The following NUP155 variants were observed in gnomAD, a reference collection of about 807,000 sequenced individuals.
NUP155 encodes the protein nucleoporin 155, also known as nuclear pore complex protein Nup155.
Under a neutral mutation model 180.4 loss-of-function variants are expected in NUP155, and 71 were observed. The ratio of observed to expected loss-of-function variants is 0.39; its 90% CI spans 0.33 to 0.48. The LOEUF is 0.48. NUP155 is among the 20% of genes least tolerant of loss of function. The pLI is 0.91. For synonymous variants in NUP155, 582 were observed against 559.5 expected (o/e 1.04, Z -0.57); for missense variants, 1,553 against 1,648.9 (o/e 0.94, Z 1.01).
chr5:37,294,020 A>T lies in NUP155; in HGVS notation c.3930+309T>A, dbSNP rs954496782. Among the ~76,000 whole-genome samples the T allele has an allele frequency of 1.1e-4, 8 of 76,004 alleles. 1 individual carries two copies. Among genetic ancestry groups the T allele is most frequent in the South Asian group, 3.4e-4 (1 of 2,944 alleles). The allele number at this position is 76,004 out of a possible 152,430, so 49.9% of individuals were successfully genotyped here. On this transcript the variant is annotated intron_variant, in intron 33 of 34. Coordinates refer to ENST00000231498, the MANE Select transcript of NUP155 (RefSeq NM_153485.3). ...GACGCCGTCTCAAAAAAAAAAAAAAAAAAAAAAATAAAGCAAATGATGATT... is the reference window on the plus strand; with the variant it reads ...GACGCCGTCTCAAAAAAAAAAAAAATAAAAAAAATAAAGCAAATGATGATT...
chr5:37,307,737 C>T (rs1440280068), intron 24 of NUP155, among the ~76,000 whole-genome samples: 1 of 151,878 alleles, frequency 6.6e-6, no homozygotes, highest in Non-Finnish European at 1.5e-5. Context: ...GCCTGACCAA[C>T]ATGGTGAAAC....
At position 37,327,776 on chromosome 5, in the gene NUP155, C is replaced by T. The variant is rs577723519; in HGVS notation, c.1877G>A (p.Gly626Asp). The change falls in exon 18 of 35, where the codon GGT (glycine) becomes GAT (aspartate). Residue 626 changes from glycine to aspartate, a missense_variant and splice_region_variant. By Grantham distance (94) the Gly-to-Asp change is moderately conservative. Transcript: ENST00000231498. The part of the protein sequence containing the change: ...NPSFLGTPSH[G>D]IQPPAMSTPV... ...AGTTGACATGGCAGGAGGCTGTATA[C>T]CTTGTACACACATAAGAAAAACAAA... The T allele has an allele frequency of 1.1e-5, 18 of 1,613,958 alleles. No homozygotes were observed. Among genetic ancestry groups the T allele is most frequent in the South Asian group, 3.3e-5 (3 of 91,070 alleles).
At chr5:37,338,064 T>G (rs531949475) in intron 11 of NUP155, 146 bp from the exon 12 acceptor site, 1 of 581,210 alleles carries the variant, frequency 1.7e-6, no homozygotes, top group Non-Finnish European at 3.1e-6. Context: ...CTCATGCCTG[T>G]AATCCCAGCA....
At chr5:37,352,972 ATAT>A (rs1746565699) in intron 4 of NUP155, 143 bp from the exon 5 acceptor site, 5 of 616,802 alleles carry the variant, frequency 8.1e-6, no homozygotes, top group African/African-American at 5.6e-5. Context: ...GTTGTTAAAA[ATAT>A]TATTATGTAT....
chr5:37,297,564 G>C (rs533963717), intron 32 of NUP155, among the ~76,000 whole-genome samples: 12 of 150,310 alleles, frequency 8.0e-5, no homozygotes, highest in Non-Finnish European at 1.8e-4. Flanking sequence ...TTTTTTTGTA[G>C]AGACAGGGTT....
rs142143537 is a variant in NUP155, at chr5:37,289,722, T to C, written c.*2178A>G. The C allele has an allele frequency of 1.4e-4, 21 of 152,334 alleles. No individual in the cohort carries two copies. Among genetic ancestry groups the C allele is most frequent in the African/African-American group, 4.6e-4 (19 of 41,564 alleles). 9.4% of individuals were successfully genotyped at this position (152,334 alleles called of 1,614,324 possible). A position where few individuals can be genotyped will look rare whatever the true frequency, so the allele number is the denominator to read the frequency against. ...TGTACTTTCAATGTTGTGAGCTGAG[T>C]ATATATAACAACATATTGCTAGTAT... On this transcript the variant is annotated 3_prime_UTR_variant, in exon 35 of 35. Transcript: ENST00000231498.
At chr5:37,366,976 C>T (rs1028605642) in intron 1 of NUP155, among the ~76,000 whole-genome samples, 49 of 151,524 alleles carry the variant, frequency 3.2e-4, no homozygotes, top group African/African-American at 1.2e-3. Flanking sequence ...CCTCGTAATC[C>T]GCCTGCCTTG....
chr5:37,302,693 A>G (rs1742928009), intron 29 of NUP155, 86 bp downstream of exon 29: 7 of 1,363,514 alleles, frequency 5.1e-6, no homozygotes, highest in Non-Finnish European at 7.3e-6. Flanking sequence ...TCTCAGACCT[A>G]TTACTTACCA....
chr5:37,353,321 G>A (rs931042341), intron 4 of NUP155, among the ~76,000 whole-genome samples: 8 of 152,030 alleles, frequency 5.3e-5, no homozygotes, highest in Non-Finnish European at 1.0e-4. Flanking sequence ...AAAGTTGGCC[G>A]GGCACGCCTG....
chr5:37,336,407 G>C (rs1745330860), intron 12 of NUP155, among the ~76,000 whole-genome samples: 1 of 151,952 alleles, frequency 6.6e-6, no homozygotes, highest in African/African-American at 2.4e-5. Context: ...CTTGGGCCTG[G>C]GCAACAGGGT....
In NUP155 at chr5:37,302,238, A is replaced by C. The variant is rs554190924; in HGVS notation, c.3447+541T>G. 3.3e-5 allele frequency among the ~76,000 whole-genome samples: 5 copies of C among 152,128 alleles called. No individual in the cohort carries two copies. In the South Asian group the frequency reaches 1.0e-3, roughly 32 times the overall value. On this transcript the variant is annotated intron_variant, in intron 29 of 34. Coordinates refer to ENST00000231498, the MANE Select transcript of NUP155 (RefSeq NM_153485.3). The stretch of plus-strand genomic sequence containing the variant: ...TTGGGAAAAACATTTATTTTTTATT[A>C]TTATTATTTTTTGAGACAGAGTCTC...
At chr5:37,357,956 G>A (rs565658536) in intron 4 of NUP155, 125 bp downstream of exon 4, 6 of 696,316 alleles carry the variant, frequency 8.6e-6, no homozygotes, top group South Asian at 4.3e-5. Flanking sequence ...TTGCGCCACT[G>A]CACTCCAGCC....
chr5:37,296,108 T>G (rs1742549356), intron 32 of NUP155, among the ~76,000 whole-genome samples: 1 of 150,188 alleles, frequency 6.7e-6, no homozygotes, highest in East Asian at 2.0e-4. Flanking sequence ...GAGGGGCACC[T>G]CTGCCCGGCC....
At chr5:37,340,743 A>G (rs1373213996) in intron 11 of NUP155, among the ~76,000 whole-genome samples, 2 of 152,216 alleles carry the variant, frequency 1.3e-5, no homozygotes, top group African/African-American at 4.8e-5. Flanking sequence ...AATTATCACA[A>G]AACAGATCAA....
chr5:37,303,441 A>T (rs760794739), intron 27 of NUP155, 27 bp from the exon 28 acceptor site: 4 of 1,602,742 alleles, frequency 2.5e-6, no homozygotes, highest in Non-Finnish European at 3.4e-6. Context: ...TATTCAGAAA[A>T]ATTTTCTAAC....
chr5:37,310,532 T>C lies in NUP155; in HGVS notation c.2628+20A>G, dbSNP rs900045131. ...ATACCTCTTATAACAAACAATGAAA[T>C]AGGTAATAAAGTATCATACCTTAGA... On this transcript the variant is annotated intron_variant, in intron 23 of 34. Coordinates refer to ENST00000231498, the MANE Select transcript of NUP155 (RefSeq NM_153485.3). 18 of 1,579,214 alleles carry C rather than the reference T, an allele frequency of 1.1e-5. No homozygotes were observed. The Admixed American group carries it at 2.0e-4, about 18-fold the overall frequency.
intron 22 of NUP155, among the ~76,000 whole-genome samples, chr5:37,313,550 G>T (rs909710103): frequency 6.6e-6 from 1 of 151,908 alleles, no homozygotes; most frequent in African/African-American, 2.4e-5. Flanking sequence ...ACCCAGGCTG[G>T]GGTGCAGTGG....
At chr5:37,297,048 T>C (rs753084432) in intron 32 of NUP155, among the ~76,000 whole-genome samples, 6 of 152,112 alleles carry the variant, frequency 3.9e-5, no homozygotes, top group Admixed American at 3.3e-4. Context: ...GTGTGGCTAA[T>C]TCAAGACTAG....
At chr5:37,310,337 T>A (rs1743447123) in intron 23 of NUP155, among the ~76,000 whole-genome samples, 2 of 151,894 alleles carry the variant, frequency 1.3e-5, no homozygotes, top group Admixed American at 1.3e-4. Flanking sequence ...AATAAATAAA[T>A]AAAAATATTT....
Sources: allele counts gnomAD v4.1 joint callset (sites outside exome capture counted in the v4.1 genomes callset), GRCh38; gene constraint gnomAD v4.1.1; transcripts MANE v1.5; gene names NCBI Gene and HGNC (gene_info 2026-07-23, HGNC 2026-07-21).